CHSY1: variants seen among roughly 807,000 people sequenced by gnomAD.
The protein encoded by CHSY1 is N-acetylgalactosaminyl-proteoglycan 3-beta-glucuronosyltransferase 1.
In CHSY1, 13 loss-of-function variants were observed where a neutral mutation model predicts 59.8. The observed-to-expected ratio is 0.22, with a 90% CI of 0.14 to 0.35. The LOEUF is 0.35. Among genes scored for constraint, CHSY1 ranks in the 10% least tolerant of loss-of-function variants. The probability of loss-of-function intolerance (pLI) is 1.00; values close to 1 mark genes in which losing one functional copy is unlikely to be tolerated. For missense variants in CHSY1, 947 were observed against 1,030.6 expected (o/e 0.92, Z 1.11); for synonymous variants, 459 against 401.2 (o/e 1.14, Z -1.72).
intron 2 of CHSY1, among the ~76,000 whole-genome samples, chr15:101,186,049 C>T (rs1255699558): frequency 6.6e-6 from 1 of 151,194 alleles, no homozygotes; most frequent in Non-Finnish European, 1.5e-5. Flanking sequence ...AAGTCCCTGA[C>T]CCTTAAGTAG....
rs765757278 is a variant in CHSY1 at position 101,251,370 on chromosome 15, G to A, written c.87C>T (p.Pro29=). 4 of 1,166,694 alleles carry A rather than the reference G, an allele frequency of 3.4e-6. No individual in the cohort carries two copies. The highest frequency in any genetic ancestry group is 4.3e-6 in the Non-Finnish European group (4 of 926,746). The allele number at this position is 1,166,694 out of a possible 1,614,324, so 72.3% of individuals were successfully genotyped here. Residue 29 remains proline, a synonymous_variant, in exon 1 of 3, where the codon CCC becomes CCT. Transcript: ENST00000254190. ...GFVLASRLVL[P]RASELKRAGP... ...CCGCTCGCTTCAGCTCGGAAGCCCG[G>A]GGCAGGACGAGCCGCGAGGCCAGCA...
In CHSY1 at chr15:101,235,194, A is replaced by T; in HGVS notation, c.704T>A (p.Met235Lys). 6.2e-7 allele frequency: 1 copy of T among 1,613,838 alleles called. No individual in the cohort carries two copies. The highest frequency in any genetic ancestry group is 1.1e-5 in the South Asian group (1 of 91,080). Residue 235 changes from methionine to lysine, a missense_variant, in exon 2 of 3, where the codon ATG becomes AAG. Coordinates refer to ENST00000254190, the MANE Select transcript of CHSY1 (RefSeq NM_014918.5). ...VIMSREVLRR[M>K]VPHIGKCLRE... ...GAGACACTTGCCAATGTGCGGCACCATTCTCCGAAGCACCTCCCGGCTCAT... is the reference window on the plus strand; with the variant it reads ...GAGACACTTGCCAATGTGCGGCACCTTTCTCCGAAGCACCTCCCGGCTCAT...
rs183297732 is a variant in CHSY1, at chr15:101,236,181, T to C, written c.321-604A>G. Among the ~76,000 whole-genome samples, 365 of 152,048 alleles carry C rather than the reference T, an allele frequency of 2.4e-3. 3 individuals carry two copies. Among genetic ancestry groups the C allele is most frequent in the Non-Finnish European group, 2.8e-3 (190 of 67,978 alleles). ...CAGGGAGCCTTCCCCTGAAACAGGG[T>C]AAACATCAAGGAATGCAGGGCACGA... is the stretch of plus-strand genomic sequence containing the variant. On this transcript the variant is annotated intron_variant, in intron 1 of 2. Coordinates refer to ENST00000254190, the MANE Select transcript of CHSY1 (RefSeq NM_014918.5).
chr15:101,245,722 C>T (rs1567110087), intron 1 of CHSY1, among the ~76,000 whole-genome samples: 2 of 152,180 alleles, frequency 1.3e-5, no homozygotes, highest in South Asian at 2.1e-4. Flanking sequence ...ATTGTTTGAG[C>T]GCTTCAAGAT....
intron 2 of CHSY1, chr15:101,188,275 G>T: frequency 1.3e-6 from 1 of 774,486 alleles, no homozygotes; most frequent in Non-Finnish European, 1.6e-6. Flanking sequence ...GACCGTAACT[G>T]CTGGTAGCCA....
intron 1 of CHSY1, among the ~76,000 whole-genome samples, chr15:101,248,099 C>T (rs138588619): frequency 6.6e-6 from 1 of 152,176 alleles, no homozygotes; most frequent in East Asian, 1.9e-4. Context: ...AATGAATTTA[C>T]CTTTCAGGAG....
rs146890302 is a variant in CHSY1 at position 101,231,720 on chromosome 15, C to T, written c.816+3362G>A. Among the ~76,000 whole-genome samples the T allele has an allele frequency of 2.6e-3, 392 of 152,296 alleles. 1 individual carries two copies. The highest frequency in any genetic ancestry group is 8.9e-3 in the African/African-American group (369 of 41,554). On this transcript the variant is annotated intron_variant, in intron 2 of 2. Coordinates refer to ENST00000254190, the MANE Select transcript of CHSY1 (RefSeq NM_014918.5). ...TGCACTTTTCCATACGTACAGTACA[C>T]GTCGAAGCAAAAGTCAAAGACAAAA...
At chr15:101,201,201 C>G (rs1044332677) in intron 2 of CHSY1, among the ~76,000 whole-genome samples, 1 of 152,146 alleles carries the variant, frequency 6.6e-6, no homozygotes, top group Non-Finnish European at 1.5e-5. Flanking sequence ...CAGTGATTCC[C>G]CACAAATGGG....
At chr15:101,192,684 C>T (rs1159253336) in intron 2 of CHSY1, among the ~76,000 whole-genome samples, 1 of 64,058 alleles carries the variant, frequency 1.6e-5, no homozygotes, top group Non-Finnish European at 3.0e-5. Context: ...CACAGAGGTG[C>T]CTTGAAGGCA....
At chr15:101,181,568 A>G (rs1009875356) in intron 2 of CHSY1, among the ~76,000 whole-genome samples, 1 of 152,126 alleles carries the variant, frequency 6.6e-6, no homozygotes, top group Non-Finnish European at 1.5e-5. Context: ...CCATCTCCCC[A>G]TGTATCTCCG....
Position 101,251,205 on chromosome 15 carries a change from C to G in CHSY1, c.252G>C (p.Arg84Ser). Residue 84 changes from arginine to serine, a missense_variant, in exon 1 of 3, where the codon AGG becomes AGC. Arg to Ser is a moderately radical substitution (Grantham distance 110, BLOSUM62 -1). Coordinates refer to ENST00000254190, the MANE Select transcript of CHSY1 (RefSeq NM_014918.5). The stretch of plus-strand genomic sequence containing the variant: ...TCATGACTCCCACGAAGAGAAAGTT[C>G]CTGTCGCGCGGGCCGCCATCTGGGT... ...GSDPDGGPRD[R>S]NFLFVGVMTA... is the part of the protein sequence containing the mutation. 3 of 1,598,352 alleles carry G rather than the reference C, an allele frequency of 1.9e-6. No homozygotes were observed. The highest frequency in any genetic ancestry group is 2.6e-6 in the Non-Finnish European group (3 of 1,176,058).
chr15:101,195,640 T>C (rs2038496327), intron 2 of CHSY1, among the ~76,000 whole-genome samples: 1 of 152,112 alleles, frequency 6.6e-6, no homozygotes, highest in Non-Finnish European at 1.5e-5. Context: ...GCTAACACGG[T>C]GAAACCCTGT....
At chr15:101,247,408 C>A (rs762332475) in intron 1 of CHSY1, among the ~76,000 whole-genome samples, 1 of 152,202 alleles carries the variant, frequency 6.6e-6, no homozygotes, top group African/African-American at 2.4e-5. Flanking sequence ...CTGCCCCAAC[C>A]CTGTTCTATT....
chr15:101,185,922 C>G (rs991628098), intron 2 of CHSY1, among the ~76,000 whole-genome samples: 1 of 151,812 alleles, frequency 6.6e-6, no homozygotes, highest in Non-Finnish European at 1.5e-5. Flanking sequence ...CCTGCTTTCC[C>G]TCATATTATG....
chr15:101,215,568 C>T (rs1299869411), intron 2 of CHSY1, among the ~76,000 whole-genome samples: 1 of 152,226 alleles, frequency 6.6e-6, no homozygotes, highest in Non-Finnish European at 1.5e-5. Context: ...AACCCCGTCT[C>T]TACTGAAAAT....
In CHSY1 at chr15:101,177,429, T is replaced by G; in HGVS notation, c.2368A>C (p.Ser790Arg). 1.2e-6 allele frequency: 2 copies of G among 1,613,652 alleles called. No homozygotes were observed. The highest frequency in any genetic ancestry group is 2.2e-5 in the South Asian group (2 of 90,884). The change falls in exon 3 of 3, where the codon AGT becomes CGT. Residue 790 changes from serine to arginine, a missense_variant. This residue lies in a region of CHSY1 where 602 missense variants were observed against 676.9 expected (regional missense o/e 0.89). Coordinates refer to ENST00000254190, the MANE Select transcript of CHSY1 (RefSeq NM_014918.5). ...MWLEKNDPSY[S>R]KSSNNNGSVR... ...GAGCCATTATTATTGCTGCTTTTAC[T>G]GTAACTTGGATCATTTTTTTCCAGC... is the stretch of plus-strand genomic sequence containing the variant.
intron 2 of CHSY1, among the ~76,000 whole-genome samples, chr15:101,201,001 T>C (rs1030644103): frequency 1.2e-4 from 18 of 152,076 alleles, no homozygotes; most frequent in Non-Finnish European, 2.2e-4. Flanking sequence ...CCCCCTTCCC[T>C]GCCTGAGCCA....
chr15:101,243,236 A>C (rs1341187193), intron 1 of CHSY1, among the ~76,000 whole-genome samples: 1 of 152,220 alleles, frequency 6.6e-6, no homozygotes, highest in Admixed American at 6.5e-5. Flanking sequence ...CACAATTAAA[A>C]TTTGGAGTGT....
intron 2 of CHSY1, among the ~76,000 whole-genome samples, chr15:101,207,917 G>A (rs2038643873): frequency 6.6e-6 from 1 of 152,232 alleles, no homozygotes; most frequent in Non-Finnish European, 1.5e-5. Flanking sequence ...GGCTGGTGCA[G>A]TGGCCCAGCC....
Sources: allele counts gnomAD v4.1 joint callset (sites outside exome capture counted in the v4.1 genomes callset), GRCh38; gene constraint gnomAD v4.1.1; regional missense constraint gnomAD v4.1.1; transcripts MANE v1.5; gene names NCBI Gene and HGNC (gene_info 2026-07-23, HGNC 2026-07-21).